The following FSAF1 variants were observed in gnomAD, a reference collection of about 807,000 sequenced individuals.
FSAF1 encodes uncharacterized protein C1orf131.
chr1:231,241,161 G>A, the FSAF1 span: 27 of 1,597,908 alleles, frequency 1.7e-5, no homozygotes, highest in Admixed American at 1.4e-4. Flanking sequence ...CTGCACCCCC[G>A]CTTCCGGGTT....
the FSAF1 span, among the ~76,000 whole-genome samples, chr1:231,239,788 C>T: frequency 6.6e-6 from 1 of 152,218 alleles, no homozygotes; most frequent in African/African-American, 2.4e-5. Context: ...CTGATTTATG[C>T]TTGCTACTAT....
chr1:231,231,191 C>G, the FSAF1 span, among the ~76,000 whole-genome samples: 1 of 152,190 alleles, frequency 6.6e-6, no homozygotes, highest in Non-Finnish European at 1.5e-5. Context: ...ACAGGCATAG[C>G]ACGGAGGACT....
the FSAF1 span, chr1:231,239,060 G>A: frequency 1.9e-6 from 3 of 1,614,128 alleles, no homozygotes; most frequent in East Asian, 4.5e-5. Context: ...CTCTTCCTCT[G>A]GCCTCTTATG....
the FSAF1 span, chr1:231,239,080 G>A: frequency 6.2e-7 from 1 of 1,614,184 alleles, no homozygotes; most frequent in Non-Finnish European, 8.5e-7. Flanking sequence ...GAGAGAACCA[G>A]GTAGGGGAGA....
At chr1:231,235,683 G>C in the FSAF1 span, among the ~76,000 whole-genome samples, 1 of 152,120 alleles carries the variant, frequency 6.6e-6, no homozygotes, top group East Asian at 1.9e-4. Context: ...GTGCCCTATA[G>C]TCTTAGCTAC....
chr1:231,232,773 A>T, the FSAF1 span, among the ~76,000 whole-genome samples: 1 of 152,232 alleles, frequency 6.6e-6, no homozygotes, highest in Non-Finnish European at 1.5e-5. Flanking sequence ...AGTCCACCAG[A>T]TTCAGCAAAC....
the FSAF1 span, among the ~76,000 whole-genome samples, chr1:231,240,475 T>C: frequency 5.9e-5 from 9 of 152,220 alleles, no homozygotes; most frequent in Non-Finnish European, 8.8e-5. The surrounding 1 kb of genome is among the most constrained non-coding windows in gnomAD (Gnocchi z 4.1). Flanking sequence ...ATAGGCTCTT[T>C]TATTTTCCTT....
chr1:231,237,298 TATACATTC>T, the FSAF1 span: 1 of 152,224 alleles, frequency 6.6e-6, no homozygotes, highest in East Asian at 1.9e-4. Context: ...AACATACATT[TATACATTC>T]ATAAAGAACA....
At chr1:231,229,680 C>T in the FSAF1 span, among the ~76,000 whole-genome samples, 1 of 152,200 alleles carries the variant, frequency 6.6e-6, no homozygotes, top group Admixed American at 6.5e-5. Flanking sequence ...GAAGGAACTC[C>T]TAACCCATGC....
At chr1:231,225,009 C>T in the FSAF1 span, 1 of 170,362 alleles carries the variant, frequency 5.9e-6, no homozygotes, top group East Asian at 1.6e-4. Context: ...CAGGCTAAGA[C>T]AAAAAGAGTC....
At chr1:231,237,834 G>A in the FSAF1 span, 1 of 152,210 alleles carries the variant, frequency 6.6e-6, no homozygotes, top group Admixed American at 6.5e-5. Flanking sequence ...TTACAGAAAT[G>A]GAATAGCAAT....
chr1:231,234,029 G>A, the FSAF1 span, among the ~76,000 whole-genome samples: 4 of 152,206 alleles, frequency 2.6e-5, no homozygotes, highest in Non-Finnish European at 4.4e-5. This position sits in a 1 kb window ranked among gnomAD's most constrained non-coding sequence, Gnocchi z 4.0. Context: ...CCTCTTGTAA[G>A]TCTCAAGCTT....
chr1:231,235,124 A>G, the FSAF1 span, among the ~76,000 whole-genome samples: 2 of 152,226 alleles, frequency 1.3e-5, no homozygotes, highest in African/African-American at 4.8e-5. Context: ...GCAGGCACCC[A>G]GTGATTGGTG....
chr1:231,234,316 T>C, the FSAF1 span, among the ~76,000 whole-genome samples: 1 of 152,202 alleles, frequency 6.6e-6, no homozygotes, highest in African/African-American at 2.4e-5. The surrounding 1 kb of genome is among the most constrained non-coding windows in gnomAD (Gnocchi z 4.0). Context: ...CACGTTAAGA[T>C]GGCCCAATGC....
chr1:231,239,633 G>C, the FSAF1 span, among the ~76,000 whole-genome samples: 1 of 152,186 alleles, frequency 6.6e-6, no homozygotes, highest in African/African-American at 2.4e-5. Flanking sequence ...GGCTCAATTT[G>C]AATGCCTTTG....
chr1:231,227,268 GT>G, the FSAF1 span, among the ~76,000 whole-genome samples: 13 of 151,758 alleles, frequency 8.6e-5, no homozygotes, highest in Non-Finnish European at 1.3e-4. Context: ...TCTTTCTCCT[GT>G]TTTTTTTCCT....
the FSAF1 span, among the ~76,000 whole-genome samples, chr1:231,235,642 A>G: frequency 2.6e-5 from 4 of 152,144 alleles, no homozygotes; most frequent in African/African-American, 9.7e-5. Flanking sequence ...CAACTCTACA[A>G]AAAATTTTAA....
the FSAF1 span, chr1:231,224,539 C>G: frequency 3.9e-5 from 35 of 905,910 alleles, no homozygotes; most frequent in African/African-American, 8.4e-5. Context: ...GCACACCCCC[C>G]ACCCCATACG....
the FSAF1 span, chr1:231,224,336 T>C: frequency 1.2e-6 from 2 of 1,613,822 alleles, no homozygotes; most frequent in African/African-American, 1.3e-5. Context: ...TCAGAATCAG[T>C]GTTCCATTTT....
Sources: gnomAD v4.1 joint callset for allele counts (sites outside exome capture counted in the v4.1 genomes callset) on GRCh38, gnomAD v4.1.1 for gene constraint, Gnocchi (gnomAD v3.1) non-coding constraint, MANE v1.5 for transcripts, NCBI Gene and HGNC (gene_info 2026-07-23, HGNC 2026-07-21) for gene names.